Variants in ADGRA3 observed in about 807,000 individuals in gnomAD.
The protein encoded by ADGRA3 is G-protein coupled receptor 125.
A neutral mutation model predicts 119.8 loss-of-function variants in ADGRA3; 56 were observed. That is an observed-to-expected ratio of 0.47 (90% confidence interval 0.38 to 0.58). The LOEUF is 0.58. ADGRA3 is among the 20% of genes least tolerant of loss of function. The pLI, the probability that ADGRA3 is intolerant of heterozygous loss-of-function variation, is 0.00. For missense variants in ADGRA3, 1,516 were observed against 1,649.0 expected (o/e 0.92, Z 1.40); for synonymous variants, 607 against 623.8 (o/e 0.97, Z 0.40).
chr4:22,498,922 A>G (rs1356471840), intron 1 of ADGRA3, among the ~76,000 whole-genome samples: 1 of 27,544 alleles, frequency 3.6e-5, no homozygotes, highest in East Asian at 5.4e-3. Context: ...CAAAAAAAAA[A>G]CAAAAAAAAC....
At chr4:22,431,237 G>C (rs1256043534) in intron 10 of ADGRA3, among the ~76,000 whole-genome samples, 1 of 152,134 alleles carries the variant, frequency 6.6e-6, no homozygotes, top group African/African-American at 2.4e-5. Context: ...CAGAATGATA[G>C]ATCCACCAAC....
chr4:22,414,069 T>C, intron 12 of ADGRA3: 1 of 331,178 alleles, frequency 3.0e-6, no homozygotes, highest in South Asian at 5.6e-5. Flanking sequence ...GTGTTTCAAA[T>C]TAACAAAGTT....
At chr4:22,513,518 CTT>C (rs879714208) in intron 1 of ADGRA3, among the ~76,000 whole-genome samples, 1 of 143,046 alleles carries the variant, frequency 7.0e-6, no homozygotes, top group Non-Finnish European at 1.5e-5. Flanking sequence ...TTTTTTTTTT[CTT>C]TTTTTTTTTG....
chr4:22,434,466 T>C (rs1365032730), intron 10 of ADGRA3, among the ~76,000 whole-genome samples: 1 of 152,118 alleles, frequency 6.6e-6, no homozygotes, highest in African/African-American at 2.4e-5. Flanking sequence ...AAAACTCTTA[T>C]GGATGAGTCA....
intron 1 of ADGRA3, among the ~76,000 whole-genome samples, chr4:22,513,977 C>T (rs1475666442): frequency 1.3e-5 from 2 of 151,488 alleles, no homozygotes; most frequent in Non-Finnish European, 2.9e-5. Context: ...AATTTACCAC[C>T]ATATCCCCTA....
intron 11 of ADGRA3, among the ~76,000 whole-genome samples, chr4:22,422,750 A>AG (rs1215092911): frequency 1.3e-5 from 2 of 152,164 alleles, no homozygotes; most frequent in African/African-American, 4.8e-5. Context: ...GTTCAGAGAA[A>AG]GGGGGGAAGT....
At chr4:22,403,250 T>C (rs1714747293) in intron 14 of ADGRA3, among the ~76,000 whole-genome samples, 2 of 151,978 alleles carry the variant, frequency 1.3e-5, no homozygotes, top group African/African-American at 4.8e-5. Flanking sequence ...AAGTTCAACT[T>C]CAAGTTCCTC....
At chr4:22,460,675 G>A (rs1717411846) in intron 3 of ADGRA3, among the ~76,000 whole-genome samples, 1 of 152,314 alleles carries the variant, frequency 6.6e-6, no homozygotes, top group Admixed American at 6.5e-5. Flanking sequence ...CACCTCTTTT[G>A]AGAATTACTC....
chr4:22,395,005 T>C (rs1009026027), intron 16 of ADGRA3: 1 of 152,196 alleles, frequency 6.6e-6, no homozygotes, highest in Non-Finnish European at 1.5e-5. Context: ...CATCTCACAC[T>C]TTGTCTACAT....
At chr4:22,482,874 G>A (rs1302317266) in intron 1 of ADGRA3, among the ~76,000 whole-genome samples, 1 of 152,208 alleles carries the variant, frequency 6.6e-6, no homozygotes, top group Non-Finnish European at 1.5e-5. Context: ...GGGCCTTGGG[G>A]CAGGAGAGCA....
chr4:22,511,875 A>G (rs575737683), intron 1 of ADGRA3, among the ~76,000 whole-genome samples: 21 of 145,250 alleles, frequency 1.4e-4, no homozygotes, highest in African/African-American at 4.8e-4. Flanking sequence ...TTTTCTTCAC[A>G]GTTATATTTT....
chr4:22,452,517 T>C (rs28645358), intron 4 of ADGRA3, among the ~76,000 whole-genome samples: 4,467 of 152,312 alleles, frequency 0.029, 226 homozygotes, highest in African/African-American at 0.1. Context: ...TGTTTTCATG[T>C]TTTACTTGGA....
At position 22,516,046 on chromosome 4, in the gene ADGRA3, G is replaced by T. The variant is rs1560357852; in HGVS notation, c.-262C>A. ...GAGCACCGCCTCCTCCTCCTCCTCT[G>T]CCGCCGCCGCCGCCGCCACTGCCTC... On this transcript the variant is annotated 5_prime_UTR_variant, in exon 1 of 19. Transcript: ENST00000334304. 1 of 154,898 alleles carries T rather than the reference G, an allele frequency of 6.5e-6. No individual in the cohort carries two copies. The highest frequency in any genetic ancestry group is 1.4e-5 in the Non-Finnish European group (1 of 71,578). 9.6% of individuals were successfully genotyped at this position (154,898 alleles called of 1,614,324 possible).
intron 1 of ADGRA3, among the ~76,000 whole-genome samples, chr4:22,511,425 CCTTT>C (rs146875329): frequency 0.04 from 6,042 of 152,248 alleles, 195 homozygotes; most frequent in African/African-American, 0.082. Context: ...TTCTGCCAGA[CCTTT>C]CTTTAAGCAT....
chr4:22,482,212 A>G (rs928950627), intron 1 of ADGRA3, among the ~76,000 whole-genome samples: 5 of 152,216 alleles, frequency 3.3e-5, no homozygotes, highest in African/African-American at 1.2e-4. Flanking sequence ...TTGTGTATCT[A>G]CCATTTCTCT....
intron 14 of ADGRA3, among the ~76,000 whole-genome samples, chr4:22,411,897 T>C (rs1715217073): frequency 6.6e-6 from 1 of 152,098 alleles, no homozygotes; most frequent in Non-Finnish European, 1.5e-5. Context: ...TCTATTCACC[T>C]TTCTGCTTGC....
intron 1 of ADGRA3, among the ~76,000 whole-genome samples, chr4:22,484,043 G>A (rs1718340221): frequency 6.6e-6 from 1 of 151,810 alleles, no homozygotes; most frequent in South Asian, 2.1e-4. Flanking sequence ...CCTAACACAG[G>A]CATCCAAATT....
At chr4:22,474,061 C>T (rs954102259) in intron 1 of ADGRA3, among the ~76,000 whole-genome samples, 1 of 152,144 alleles carries the variant, frequency 6.6e-6, no homozygotes, top group Non-Finnish European at 1.5e-5. Context: ...TAAATTATTT[C>T]TATCACACAT....
chr4:22,465,771 T>C (rs889687793), intron 2 of ADGRA3, among the ~76,000 whole-genome samples: 5 of 152,056 alleles, frequency 3.3e-5, no homozygotes, highest in African/African-American at 1.2e-4. Context: ...ACAGTGGAGA[T>C]TTACTAAAGG....
Sources: allele counts gnomAD v4.1 joint callset (sites outside exome capture counted in the v4.1 genomes callset), GRCh38; gene constraint gnomAD v4.1.1; transcripts MANE v1.5; gene names NCBI Gene and HGNC (gene_info 2026-07-23, HGNC 2026-07-21).